OR8B3: variants seen among roughly 807,000 people sequenced by gnomAD.
The protein encoded by OR8B3 is olfactory receptor family 8 subfamily B member 3.
For synonymous variants in OR8B3, 102 were observed against 135.4 expected, an observed-to-expected ratio of 0.75 and a Z score of 1.71; for missense variants, 278 against 377.6, an observed-to-expected ratio of 0.74 and a Z score of 2.19.
chr11:124,399,389 AT>A (rs1465927437), upstream of OR8B3, among the ~76,000 whole-genome samples: 1 of 152,132 alleles, frequency 6.6e-6, no homozygotes, highest in Non-Finnish European at 1.5e-5. Context: ...TTGATTTCAG[AT>A]TTTTTAATAA....
At chr11:124,402,433 G>A (rs1861009243), upstream of OR8B3, among the ~76,000 whole-genome samples, 1 of 152,200 alleles carries the variant, frequency 6.6e-6, no homozygotes, top group Non-Finnish European at 1.5e-5. Context: ...CCAGGATGAT[G>A]AAAAGAGTGG....
the OR8B3 span, among the ~76,000 whole-genome samples, chr11:124,406,297 T>C: frequency 6.6e-6 from 1 of 152,106 alleles, no homozygotes; most frequent in Non-Finnish European, 1.5e-5. Context: ...TAGTAATTGA[T>C]TGCCGTGGGG....
chr11:124,401,558 GTATT>G (rs1277207131), upstream of OR8B3, among the ~76,000 whole-genome samples: 1 of 152,092 alleles, frequency 6.6e-6, no homozygotes, highest in Non-Finnish European at 1.5e-5. Context: ...TTTCATTGGC[GTATT>G]TAATGTTGAA....
the OR8B3 span, among the ~76,000 whole-genome samples, chr11:124,407,133 A>G: frequency 6.6e-6 from 1 of 152,130 alleles, no homozygotes; most frequent in Non-Finnish European, 1.5e-5. Context: ...CAAAAATTTC[A>G]TCTTCTCAAA....
chr11:124,397,497 ATGTACTGCC>A (rs1279600046), intron 1 of OR8B3, 129 bp from the exon 2 acceptor site: 1 of 554,254 alleles, frequency 1.8e-6, no homozygotes, highest in Non-Finnish European at 3.2e-6. Context: ...AATGTTCTGA[ATGTACTGCC>A]ACTCCCACTC....
upstream of OR8B3, among the ~76,000 whole-genome samples, chr11:124,402,353 A>G (rs1042784942): frequency 4.6e-5 from 7 of 152,340 alleles, no homozygotes; most frequent in East Asian, 1.2e-3. Flanking sequence ...TTTTAAACCT[A>G]CGTTTGAATG....
At chr11:124,408,551 A>C in the OR8B3 span, among the ~76,000 whole-genome samples, 2 of 152,174 alleles carry the variant, frequency 1.3e-5, no homozygotes, top group Non-Finnish European at 2.9e-5. Context: ...TCTTGTCTAT[A>C]GGTGAAGAAA....
the OR8B3 span, among the ~76,000 whole-genome samples, chr11:124,409,564 C>T: frequency 6.6e-6 from 1 of 152,204 alleles, no homozygotes; most frequent in South Asian, 2.1e-4. Flanking sequence ...TTTTTGTGTT[C>T]AGAGAATCTT....
rs532526005 is a variant in OR8B3 at position 124,398,398 on chromosome 11, A to G, written c.-18+292T>C. Among the ~76,000 whole-genome samples, 283 of 152,322 alleles carry G rather than the reference A, an allele frequency of 1.9e-3. 2 individuals carry two copies. Among genetic ancestry groups the G allele is most frequent in the African/African-American group, 6.4e-3 (268 of 41,560 alleles). Reference sequence around the variant, plus strand: ...GTTTGTAAAATTTTACCAAACTGGTATTTTTATGACCCTTAAACTCTTCTA... The same window carrying G: ...GTTTGTAAAATTTTACCAAACTGGTGTTTTTATGACCCTTAAACTCTTCTA... On this transcript the variant is annotated intron_variant, in intron 1 of 1. Coordinates refer to ENST00000641139, the MANE Select transcript of OR8B3 (RefSeq NM_001005467.2).
At chr11:124,398,048 T>C (rs1217975149) in intron 1 of OR8B3, among the ~76,000 whole-genome samples, 1 of 152,130 alleles carries the variant, frequency 6.6e-6, no homozygotes, top group East Asian at 1.9e-4. Flanking sequence ...TTCAGTTTCC[T>C]TGTGATGACC....
chr11:124,405,369 C>T, the OR8B3 span, among the ~76,000 whole-genome samples: 1 of 152,166 alleles, frequency 6.6e-6, no homozygotes, highest in Non-Finnish European at 1.5e-5. Flanking sequence ...GACCTTATGC[C>T]GTTTCAGCAC....
upstream of OR8B3, among the ~76,000 whole-genome samples, chr11:124,400,948 C>G (rs1860984666): frequency 6.6e-6 from 1 of 152,002 alleles, no homozygotes; most frequent in East Asian, 1.9e-4. Context: ...TTTGTACTTT[C>G]TTTTGGAACA....
chr11:124,402,744 C>A (rs1223387387), upstream of OR8B3, among the ~76,000 whole-genome samples: 3 of 152,074 alleles, frequency 2.0e-5, no homozygotes, highest in Non-Finnish European at 4.4e-5. Context: ...AGACATGAGG[C>A]CTTCAGATTT....
the OR8B3 span, among the ~76,000 whole-genome samples, chr11:124,407,853 G>A: frequency 6.6e-6 from 1 of 151,984 alleles, no homozygotes; most frequent in Admixed American, 6.6e-5. Context: ...TATGTGTACT[G>A]GAATTGCATT....
At chr11:124,399,195 GA>G (rs1860948817), upstream of OR8B3, among the ~76,000 whole-genome samples, 1 of 152,162 alleles carries the variant, frequency 6.6e-6, no homozygotes, top group African/African-American at 2.4e-5. Context: ...TAAATGTAAT[GA>G]TTGTCAGAAT....
chr11:124,401,216 A>AAGAGAGAGAGAGAG (rs1430482395), upstream of OR8B3, among the ~76,000 whole-genome samples: 2 of 30,396 alleles, frequency 6.6e-5, no homozygotes, highest in South Asian at 1.5e-3. Context: ...GGGAAATGCA[A>AAGAGAGAGAGAGAG]AGAGACAGAG....
rs1860862809 is a variant in OR8B3, at chr11:124,396,173, A to G, written c.*237T>C. ...AGGAAGGATATAAAATGATAATGAAAAATATCAGTGCATATGTTCCTTTTA... is the reference window on the plus strand; with the variant it reads ...AGGAAGGATATAAAATGATAATGAAGAATATCAGTGCATATGTTCCTTTTA... On this transcript the variant is annotated 3_prime_UTR_variant, in exon 2 of 2. Coordinates refer to ENST00000641139, the MANE Select transcript of OR8B3 (RefSeq NM_001005467.2). 1 of 427,504 alleles carries G rather than the reference A, an allele frequency of 2.3e-6. No individual in the cohort carries two copies. The allele number at this position is 427,504 out of a possible 1,614,324, so 26.5% of individuals were successfully genotyped here.
chr11:124,400,699 C>A (rs1280990160), upstream of OR8B3, among the ~76,000 whole-genome samples: 1 of 151,832 alleles, frequency 6.6e-6, no homozygotes, highest in East Asian at 1.9e-4. Flanking sequence ...CTATCACACC[C>A]AGCTAATCTT....
At position 124,396,362 on chromosome 11, in the gene OR8B3, A is replaced by G. The variant is rs1250722334; in HGVS notation, c.*48T>C. ...CAAAATCTCTTCATGGAACACACTAATAAAAATTTAAAGTTCTTCAATCGT... is the reference window on the plus strand; with the variant it reads ...CAAAATCTCTTCATGGAACACACTAGTAAAAATTTAAAGTTCTTCAATCGT... On this transcript the variant is annotated 3_prime_UTR_variant, in exon 2 of 2. Transcript: ENST00000641139. The G allele has an allele frequency of 2.7e-6, 4 of 1,492,122 alleles. No homozygotes were observed. Among genetic ancestry groups the G allele is most frequent in the Non-Finnish European group, 3.6e-6 (4 of 1,108,012 alleles). The allele number at this position is 1,492,122 out of a possible 1,614,324, so 92.4% of individuals were successfully genotyped here.
Sources: allele counts gnomAD v4.1 joint callset (sites outside exome capture counted in the v4.1 genomes callset), GRCh38; gene constraint gnomAD v4.1.1; transcripts MANE v1.5; gene names NCBI Gene and HGNC (gene_info 2026-07-23, HGNC 2026-07-21).